The following ZMYND8 variants were observed in gnomAD, a reference collection of about 807,000 sequenced individuals.
The protein encoded by ZMYND8 is MYND-type zinc finger-containing chromatin reader ZMYND8.
In ZMYND8, 37 loss-of-function variants were observed where a neutral mutation model predicts 140.8. The observed-to-expected ratio is 0.26, with a 90% CI of 0.20 to 0.35. The LOEUF is 0.35. Among genes scored for constraint, ZMYND8 ranks in the 10% least tolerant of loss-of-function variants. ZMYND8 has a pLI of 1.00. For synonymous variants in ZMYND8, 592 were observed against 597.1 expected, an observed-to-expected ratio of 0.99 and a Z score of 0.12; for missense variants, 1,068 against 1,570.0, an observed-to-expected ratio of 0.68 and a Z score of 5.40.
chr20:47,222,433 G>A (rs2037111291), intron 19 of ZMYND8, among the ~76,000 whole-genome samples: 1 of 152,230 alleles, frequency 6.6e-6, no homozygotes, highest in African/African-American at 2.4e-5. Flanking sequence ...CTACTAGGGA[G>A]GCTGAGGAAG....
At chr20:47,245,866 A>G in intron 14 of ZMYND8, 142 bp downstream of exon 14, 5 of 1,275,594 alleles carry the variant, frequency 3.9e-6, no homozygotes, top group Non-Finnish European at 5.3e-6. Flanking sequence ...ACACAGCTTC[A>G]CTGTGCCTCT....
At chr20:47,233,824 C>T (rs536703278) in intron 16 of ZMYND8, among the ~76,000 whole-genome samples, 1 of 152,308 alleles carries the variant, frequency 6.6e-6, no homozygotes, top group Admixed American at 6.5e-5. Flanking sequence ...AGGACAGCAT[C>T]TAGCCTAGAG....
At chr20:47,264,038 C>T (rs1487683986) in intron 11 of ZMYND8, among the ~76,000 whole-genome samples, 1 of 152,068 alleles carries the variant, frequency 6.6e-6, no homozygotes, top group African/African-American at 2.4e-5. Flanking sequence ...GAGACCAAAA[C>T]GCTGCTAAAT....
rs555336091 is a variant in ZMYND8 at position 47,246,734 on chromosome 20, G to A, written c.1775-217C>T. Among the ~76,000 whole-genome samples, 4 of 152,332 alleles carry A rather than the reference G, an allele frequency of 2.6e-5. No homozygotes were observed. The East Asian group carries it at 7.7e-4, about 29-fold the overall frequency. On this transcript the variant is annotated intron_variant, in intron 13 of 22. Coordinates refer to ENST00000471951, the MANE Select transcript of ZMYND8 (RefSeq NM_001281775.3). ...TGGGAGAGGGTTTTGGTTGTTAGGA[G>A]ACACAGGACCTACCAACGGAGATTT...
At chr20:47,330,860 G>T (rs1388868509) in intron 2 of ZMYND8, among the ~76,000 whole-genome samples, 1 of 152,176 alleles carries the variant, frequency 6.6e-6, no homozygotes, top group African/African-American at 2.4e-5. Flanking sequence ...TTTATTATAC[G>T]CTCACCAGCA....
chr20:47,313,189 C>G (rs1171541967), intron 2 of ZMYND8, among the ~76,000 whole-genome samples: 1 of 146,220 alleles, frequency 6.8e-6, no homozygotes, highest in Non-Finnish European at 1.5e-5. Flanking sequence ...ATGATCACGT[C>G]GGAGCCTGGG....
At chr20:47,276,082 C>T (rs573131813) in intron 11 of ZMYND8, among the ~76,000 whole-genome samples, 1 of 152,354 alleles carries the variant, frequency 6.6e-6, no homozygotes, top group Admixed American at 6.5e-5. Flanking sequence ...TTCTGGCCAT[C>T]TCCATCTACT....
chr20:47,301,959 C>G (rs962716852), intron 3 of ZMYND8, among the ~76,000 whole-genome samples: 1 of 150,532 alleles, frequency 6.6e-6, no homozygotes, highest in African/African-American at 2.5e-5. Context: ...TTATAAGGAG[C>G]TTTTCCTCCT....
intron 3 of ZMYND8, among the ~76,000 whole-genome samples, chr20:47,304,125 T>C (rs2078295321): frequency 1.3e-5 from 2 of 152,206 alleles, no homozygotes; most frequent in Admixed American, 1.3e-4. Context: ...GTGTTACCAG[T>C]TTGATAACTA....
At chr20:47,340,389 G>C (rs1476150547) in intron 2 of ZMYND8, among the ~76,000 whole-genome samples, 2 of 152,020 alleles carry the variant, frequency 1.3e-5, no homozygotes, top group South Asian at 2.1e-4. Context: ...TGAAGCAAGA[G>C]AATCACCTGA....
intron 12 of ZMYND8, among the ~76,000 whole-genome samples, chr20:47,253,785 C>A (rs2074378961): frequency 6.6e-6 from 1 of 152,230 alleles, no homozygotes; most frequent in African/African-American, 2.4e-5. Flanking sequence ...CGTATGGCTA[C>A]AGTAAATGCG....
intron 7 of ZMYND8, among the ~76,000 whole-genome samples, chr20:47,287,693 A>C (rs142468191): frequency 2.6e-5 from 4 of 152,304 alleles, no homozygotes; most frequent in African/African-American, 9.6e-5. Flanking sequence ...AGTGCTTCAA[A>C]ACACATTTTC....
intron 16 of ZMYND8, 104 bp downstream of exon 16, chr20:47,236,222 A>C: frequency 7.1e-7 from 1 of 1,404,750 alleles, no homozygotes; most frequent in South Asian, 1.3e-5. Flanking sequence ...TTCACTCCCT[A>C]AAGACTGCAA....
At chr20:47,268,871 G>A (rs1045126021) in intron 11 of ZMYND8, among the ~76,000 whole-genome samples, 1 of 151,944 alleles carries the variant, frequency 6.6e-6, no homozygotes, top group Non-Finnish European at 1.5e-5. Context: ...CTAAACACAA[G>A]GTGCTTGCTA....
intron 2 of ZMYND8, among the ~76,000 whole-genome samples, chr20:47,313,804 G>A (rs559272860): frequency 2.0e-4 from 30 of 151,646 alleles, no homozygotes; most frequent in South Asian, 8.3e-4. Context: ...GTGGTGGCAC[G>A]TGCCTATAGT....
intron 2 of ZMYND8, among the ~76,000 whole-genome samples, chr20:47,327,593 T>C (rs774234310): frequency 5.3e-5 from 8 of 150,616 alleles, no homozygotes; most frequent in African/African-American, 1.0e-4. Flanking sequence ...GAGGCAAAGA[T>C]TGCACTGAGC....
chr20:47,242,413 G>C (rs1352988278), intron 14 of ZMYND8, among the ~76,000 whole-genome samples: 1 of 152,174 alleles, frequency 6.6e-6, no homozygotes, highest in South Asian at 2.1e-4. Context: ...GCCAGATATG[G>C]GGCACAGTCC....
intron 1 of ZMYND8, among the ~76,000 whole-genome samples, chr20:47,350,347 A>G (rs1355185989): frequency 6.6e-6 from 1 of 151,502 alleles, no homozygotes. Context: ...AAAAAAAAAA[A>G]AAAAACTTCA....
At chr20:47,356,306 G>C (rs2083229514) in intron 1 of ZMYND8, 1 of 1,314,848 alleles carries the variant, frequency 7.6e-7, no homozygotes, top group Non-Finnish European at 9.9e-7. Flanking sequence ...GAGAGAGAGA[G>C]AGGGGAAGAG....
Sources: gnomAD v4.1 joint callset for allele counts (sites outside exome capture counted in the v4.1 genomes callset) on GRCh38, gnomAD v4.1.1 for gene constraint, MANE v1.5 for transcripts, NCBI Gene and HGNC (gene_info 2026-07-23, HGNC 2026-07-21) for gene names.